OPCML: variants seen among roughly 807,000 people sequenced by gnomAD.
OPCML encodes opioid-binding protein/cell adhesion molecule.
Under a neutral mutation model 37.8 loss-of-function variants are expected in OPCML, and 13 were observed. That is an observed-to-expected ratio of 0.34 (90% CI 0.22 to 0.55). The LOEUF (loss-of-function observed/expected upper bound fraction) is 0.55, where lower values mean the gene tolerates loss of function less well. OPCML is among the 20% of genes least tolerant of loss of function. The pLI, the probability that OPCML is intolerant of heterozygous loss-of-function variation, is 0.91. For synonymous variants in OPCML, 176 were observed against 168.8 expected (o/e 1.04, Z -0.33); for missense variants, 341 against 435.6 (o/e 0.78, Z 1.93).
intron 1 of OPCML, among the ~76,000 whole-genome samples, chr11:133,497,470 C>A (rs532095105): frequency 6.6e-6 from 1 of 152,070 alleles, no homozygotes; most frequent in Non-Finnish European, 1.5e-5. Context: ...TCTGGTCCCC[C>A]CCGATTCACT....
intron 2 of OPCML, among the ~76,000 whole-genome samples, chr11:132,670,309 G>T (rs1190702459): frequency 6.6e-6 from 1 of 152,146 alleles, no homozygotes; most frequent in Non-Finnish European, 1.5e-5. Context: ...GACTTCGGCA[G>T]TGCAGAAATT....
chr11:133,483,365 AATAG>A (rs1251891117), intron 1 of OPCML, among the ~76,000 whole-genome samples: 63 of 151,968 alleles, frequency 4.1e-4, no homozygotes, highest in South Asian at 2.9e-3. Context: ...ATAGATAGCT[AATAG>A]ATAGATATGA....
intron 1 of OPCML, among the ~76,000 whole-genome samples, chr11:133,109,634 G>C (rs548816593): frequency 3.3e-5 from 5 of 152,088 alleles, no homozygotes; most frequent in Admixed American, 1.3e-4. Context: ...GTTCCCACTC[G>C]ACCCAGGAAG....
At chr11:133,383,433 C>T (rs927483695) in intron 1 of OPCML, among the ~76,000 whole-genome samples, 3 of 152,188 alleles carry the variant, frequency 2.0e-5, no homozygotes, top group Non-Finnish European at 4.4e-5. Flanking sequence ...AGACGGGAAT[C>T]GGGTCATCCG....
At chr11:133,428,424 T>C (rs769653290) in intron 1 of OPCML, among the ~76,000 whole-genome samples, 50 of 152,202 alleles carry the variant, frequency 3.3e-4, no homozygotes, top group Non-Finnish European at 6.0e-4. Context: ...ATTATCATTA[T>C]GTCTCCTTCA....
chr11:132,751,857 G>T (rs1945846319), intron 2 of OPCML, among the ~76,000 whole-genome samples: 2 of 152,338 alleles, frequency 1.3e-5, no homozygotes, highest in Middle Eastern at 3.4e-3. Context: ...TTAAGGTGGA[G>T]AGTCCACCAT....
At chr11:133,491,414 G>A (rs1947655110) in intron 1 of OPCML, among the ~76,000 whole-genome samples, 1 of 152,176 alleles carries the variant, frequency 6.6e-6, no homozygotes, top group Non-Finnish European at 1.5e-5. Context: ...CACTGTAACG[G>A]TCCTCTTGAG....
At chr11:132,857,974 A>G (rs2136348881) in intron 2 of OPCML, among the ~76,000 whole-genome samples, 1 of 152,234 alleles carries the variant, frequency 6.6e-6, no homozygotes, top group East Asian at 1.9e-4. Context: ...CCCCGAGGCA[A>G]TGAGGACAGT....
intron 2 of OPCML, among the ~76,000 whole-genome samples, chr11:132,811,083 C>T (rs1939312091): frequency 6.6e-6 from 1 of 152,060 alleles, no homozygotes; most frequent in Admixed American, 6.5e-5. Context: ...TTTTAGGTGC[C>T]CCCCAAGAGC....
At chr11:132,484,666 G>C (rs1406358682) in intron 4 of OPCML, among the ~76,000 whole-genome samples, 92 of 152,154 alleles carry the variant, frequency 6.0e-4, no homozygotes, top group African/African-American at 1.7e-3. Context: ...TTGGAACCAA[G>C]CCAAATGTCC....
chr11:132,714,048 T>C (rs1360707691), intron 2 of OPCML, among the ~76,000 whole-genome samples: 1 of 152,180 alleles, frequency 6.6e-6, no homozygotes, highest in Non-Finnish European at 1.5e-5. Context: ...TTGAAATTGT[T>C]TATGAAAATT....
intron 1 of OPCML, among the ~76,000 whole-genome samples, chr11:133,520,212 CAGA>C (rs1948370149): frequency 6.6e-6 from 1 of 152,074 alleles, no homozygotes; most frequent in South Asian, 2.1e-4. Context: ...GTAACACAGA[CAGA>C]AGGACTCTTC....
chr11:132,483,687 C>A (rs1288320068), intron 4 of OPCML, among the ~76,000 whole-genome samples: 2 of 152,128 alleles, frequency 1.3e-5, no homozygotes, highest in East Asian at 3.9e-4. Context: ...CTACAGTAAC[C>A]AAAACAGCAT....
chr11:132,606,799 G>GA (rs1237274963), intron 3 of OPCML, among the ~76,000 whole-genome samples: 5 of 152,138 alleles, frequency 3.3e-5, no homozygotes, highest in Non-Finnish European at 7.4e-5. Flanking sequence ...AGTGAAATAA[G>GA]AAAAAATCCC....
Position 132,599,475 on chromosome 11 carries a change from A to G in OPCML, c.379+57612T>C, listed in dbSNP as rs578107762. On this transcript the variant is annotated intron_variant, in intron 3 of 7. Transcript: ENST00000524381. ...GGAAGAGGAGGAGGAGGAGGAGGAG[A>G]AGAGGAAAGAAAAAGAGACAAAACC... is the stretch of plus-strand genomic sequence containing the variant. 5.9e-5 allele frequency among the ~76,000 whole-genome samples: 9 copies of G among 151,822 alleles called. No homozygotes were observed. In the South Asian group the frequency reaches 6.3e-4, roughly 11 times the overall value.
chr11:133,520,084 C>T (rs1948367421), intron 1 of OPCML, among the ~76,000 whole-genome samples: 1 of 152,174 alleles, frequency 6.6e-6, no homozygotes, highest in Non-Finnish European at 1.5e-5. Context: ...GCTCTCCACC[C>T]CACCCCAGGC....
At chr11:133,005,592 T>C in intron 1 of OPCML, 1 of 985,238 alleles carries the variant, frequency 1.0e-6, no homozygotes, top group Non-Finnish European at 1.2e-6. Flanking sequence ...CCTTAGGGAC[T>C]ACAGATGTTT....
chr11:133,495,016 A>G (rs1388525171), intron 1 of OPCML, among the ~76,000 whole-genome samples: 1 of 151,934 alleles, frequency 6.6e-6, no homozygotes, highest in Non-Finnish European at 1.5e-5. Flanking sequence ...CCCAAGCAGT[A>G]TATGCTGTAC....
Position 133,174,138 on chromosome 11 carries a change from G to T in OPCML, c.62-231128C>A, listed in dbSNP as rs992436978. On this transcript the variant is annotated intron_variant, in intron 1 of 7. Transcript: ENST00000524381. The surrounding 1 kb of genome is among the most constrained non-coding windows in gnomAD (Gnocchi z 4.6). ...TTCTGTGTTGTCAGGCTGGTCCCTT[G>T]TGTCTTCCCTTCCCTCTCATTCTCC... Among the ~76,000 whole-genome samples the T allele has an allele frequency of 1.3e-5, 2 of 152,202 alleles. No homozygotes were observed. Among genetic ancestry groups the T allele is most frequent in the African/African-American group, 4.8e-5 (2 of 41,444 alleles).
Sources: gnomAD v4.1 joint callset for allele counts (sites outside exome capture counted in the v4.1 genomes callset) on GRCh38, gnomAD v4.1.1 for gene constraint, Gnocchi (gnomAD v3.1) non-coding constraint, MANE v1.5 for transcripts, NCBI Gene and HGNC (gene_info 2026-07-23, HGNC 2026-07-21) for gene names.